Variants in DHRS9 observed in about 807,000 individuals in gnomAD.
DHRS9 encodes dehydrogenase/reductase 9, also known as dehydrogenase/reductase SDR family member 9.
Under a neutral mutation model 26.6 loss-of-function variants are expected in DHRS9, and 18 were observed. The ratio of observed to expected loss-of-function variants is 0.68; its 90% confidence interval spans 0.47 to 1.00. The LOEUF is 1.00. DHRS9 is among the 50% of genes least tolerant of loss of function. The pLI, the probability that DHRS9 is intolerant of heterozygous loss-of-function variation, is 0.00. For synonymous variants in DHRS9, 134 were observed against 141.1 expected, an observed-to-expected ratio of 0.95 and a Z score of 0.36; for missense variants, 425 against 378.7, an observed-to-expected ratio of 1.12 and a Z score of -1.01.
At chr2:169,093,744 T>C (rs1420966044) in intron 4 of DHRS9, among the ~76,000 whole-genome samples, 6 of 152,226 alleles carry the variant, frequency 3.9e-5, no homozygotes, top group Admixed American at 6.5e-5. Context: ...AAGTCAGGAC[T>C]TGGAGATCAG....
At position 169,095,582 on chromosome 2, in the gene DHRS9, A is replaced by G. The variant is rs1318947884; in HGVS notation, c.775A>G (p.Met259Val). ...KLKGNKSYVN[M>V]DLSPVVECMD... The stretch of plus-strand genomic sequence containing the variant: ...GAAAGGCAATAAATCCTATGTGAAC[A>G]TGGACCTCTCTCCGGTGGTAGAGTG... The change falls in exon 5 of 5, where the codon ATG becomes GTG. Residue 259 changes from methionine (M) to valine (V), a missense_variant. Physicochemically the swap from Met to Val is conservative, Grantham distance 21. Coordinates refer to ENST00000674881, the MANE Select transcript of DHRS9 (RefSeq NM_001376924.1). The G allele has an allele frequency of 1.1e-5, 18 of 1,613,874 alleles. No homozygotes were observed. The highest frequency in any genetic ancestry group is 1.5e-5 in the Non-Finnish European group (18 of 1,179,868).
chr2:169,094,987 C>T (rs1684648711), intron 4 of DHRS9, among the ~76,000 whole-genome samples: 1 of 151,952 alleles, frequency 6.6e-6, no homozygotes, highest in South Asian at 2.1e-4. Context: ...TTATAGAAGC[C>T]TATACAAGTA....
chr2:169,091,726 C>A, intron 3 of DHRS9, 64 bp from the exon 4 acceptor site: 1 of 1,513,908 alleles, frequency 6.6e-7, no homozygotes, highest in South Asian at 1.3e-5. Context: ...AAAATAGTCA[C>A]TCAAATAGCA....
intron 2 of DHRS9, among the ~76,000 whole-genome samples, 179 bp downstream of exon 2, chr2:169,082,073 T>G (rs1270392082): frequency 6.6e-6 from 1 of 152,190 alleles, no homozygotes; most frequent in Non-Finnish European, 1.5e-5. Context: ...AGGCTGTCTG[T>G]GTGCATGAGA....
intron 1 of DHRS9, among the ~76,000 whole-genome samples, chr2:169,071,554 G>T (rs1024641537): frequency 1.3e-5 from 2 of 152,178 alleles, no homozygotes; most frequent in African/African-American, 2.4e-5. Context: ...TCCTGAGGAG[G>T]CTGTCTGAGT....
chr2:169,086,914 CT>C (rs769445765), intron 3 of DHRS9, among the ~76,000 whole-genome samples: 17 of 152,222 alleles, frequency 1.1e-4, no homozygotes, highest in Admixed American at 2.0e-4. Context: ...ACAAGCACTC[CT>C]GACCACCATC....
At chr2:169,072,885 G>T (rs1335656487) in intron 1 of DHRS9, among the ~76,000 whole-genome samples, 1 of 152,176 alleles carries the variant, frequency 6.6e-6, no homozygotes, top group East Asian at 1.9e-4. Context: ...AGTGACCATA[G>T]TTATGACCTC....
At position 169,083,569 on chromosome 2, in the gene DHRS9, G is replaced by A. The variant is rs201362566; in HGVS notation, c.554G>A (p.Gly185Asp). Residue 185 changes from glycine to aspartate, a missense_variant, in exon 3 of 5, where the codon GGT becomes GAT. Physicochemically the swap from Gly to Asp is moderately conservative, Grantham distance 94. Transcript: ENST00000674881. ...GYTPSKYAVEGFNDSLRRDMK... is the reference protein window; with the variant it reads ...GYTPSKYAVEDFNDSLRRDMK... ...ACTCCATCCAAATATGCAGTGGAAG[G>A]TTTCAATGACAGCTTAAGGTAAATC... 42 of 1,613,830 alleles carry A rather than the reference G, an allele frequency of 2.6e-5. No individual in the cohort carries two copies. The highest frequency in any genetic ancestry group is 3.3e-4 in the Middle Eastern group (2 of 6,080).
Position 169,069,584 on chromosome 2 carries a change from C to T in DHRS9, c.-193C>T, listed in dbSNP as rs1463730438. Reference sequence around the variant, plus strand: ...TAGTACTCAGAGCTCTACGGAAACCCAGGCACCTCGACCTCAAGAGGATCA... The same window carrying T: ...TAGTACTCAGAGCTCTACGGAAACCTAGGCACCTCGACCTCAAGAGGATCA... On this transcript the variant is annotated 5_prime_UTR_variant, in exon 1 of 5. Coordinates refer to ENST00000674881, the MANE Select transcript of DHRS9 (RefSeq NM_001376924.1). The T allele has an allele frequency of 3.0e-6, 3 of 985,270 alleles. No individual in the cohort carries two copies. The highest frequency in any genetic ancestry group is 1.2e-4 in the Admixed American group (2 of 16,258). 61.0% of individuals were successfully genotyped at this position (985,270 alleles called of 1,614,324 possible).
At chr2:169,080,364 C>A (rs1684145182) in intron 1 of DHRS9, among the ~76,000 whole-genome samples, 1 of 152,246 alleles carries the variant, frequency 6.6e-6, no homozygotes. Context: ...CACAGACCTG[C>A]TCCTCTGTGG....
chr2:169,093,331 A>AACACACACACACACACACACGCAC (rs58377569), intron 4 of DHRS9, among the ~76,000 whole-genome samples: 1 of 150,924 alleles, frequency 6.6e-6, no homozygotes, highest in Non-Finnish European at 1.5e-5. Context: ...CATTACCCTA[A>AACACACACACACACACACACGCAC]ACACACACAC....
chr2:169,088,092 C>A (rs1684408925), intron 3 of DHRS9, among the ~76,000 whole-genome samples: 1 of 152,136 alleles, frequency 6.6e-6, no homozygotes, highest in African/African-American at 2.4e-5. Context: ...ACCTGGACTG[C>A]CTTTGAAGTT....
intron 1 of DHRS9, among the ~76,000 whole-genome samples, chr2:169,071,774 CATA>C (rs1683812156): frequency 6.6e-6 from 1 of 152,134 alleles, no homozygotes; most frequent in Admixed American, 6.5e-5. Flanking sequence ...TCATCAGCAG[CATA>C]ATAATTATTA....
intron 4 of DHRS9, 64 bp from the exon 5 acceptor site, chr2:169,095,480 C>A: frequency 7.4e-7 from 1 of 1,345,784 alleles, no homozygotes; most frequent in Non-Finnish European, 1.1e-6. Context: ...CCCCTTTGCA[C>A]CCTAGACTTC....
chr2:169,073,456 T>C (rs754805640), intron 1 of DHRS9, among the ~76,000 whole-genome samples: 39 of 152,214 alleles, frequency 2.6e-4, no homozygotes, highest in Non-Finnish European at 5.9e-5. Context: ...CTCCCTGACT[T>C]GGTCAACCAG....
At chr2:169,089,789 T>C (rs1187722446) in intron 3 of DHRS9, among the ~76,000 whole-genome samples, 1 of 152,168 alleles carries the variant, frequency 6.6e-6, no homozygotes, top group Non-Finnish European at 1.5e-5. Context: ...CTGGGGATCT[T>C]TTCAAAATGC....
chr2:169,095,453 C>T, intron 4 of DHRS9, 91 bp from the exon 5 acceptor site: 7 of 957,204 alleles, frequency 7.3e-6, no homozygotes, highest in Non-Finnish European at 1.2e-5. Flanking sequence ...CAGAATAAAT[C>T]CCCTTGTATC....
chr2:169,084,591 T>A (rs1282209360), intron 3 of DHRS9, among the ~76,000 whole-genome samples: 1 of 152,222 alleles, frequency 6.6e-6, no homozygotes, highest in African/African-American at 2.4e-5. Flanking sequence ...TGATGATCAA[T>A]GATGTTGAGC....
At chr2:169,067,277 T>C (rs748909621), upstream of DHRS9, 5 of 1,534,880 alleles carry the variant, frequency 3.3e-6, no homozygotes, top group South Asian at 6.0e-5. Context: ...AGTAAGTGCT[T>C]TCCTCCAGTT....
Sources: allele counts gnomAD v4.1 joint callset (sites outside exome capture counted in the v4.1 genomes callset), GRCh38; gene constraint gnomAD v4.1.1; transcripts MANE v1.5; gene names NCBI Gene and HGNC (gene_info 2026-07-23, HGNC 2026-07-21).